Variants in LIMA1 observed in about 807,000 individuals in gnomAD.
LIMA1 encodes LIM domain and actin binding 1.
LIMA1 carries 52 observed loss-of-function variants against 62.6 expected under a neutral mutation model. The ratio of observed to expected loss-of-function variants is 0.83; its 90% CI spans 0.67 to 1.05. The LOEUF (loss-of-function observed/expected upper bound fraction) is 1.05, where lower values mean the gene tolerates loss of function less well. LIMA1 is among the 50% of genes least tolerant of loss of function. The pLI is 0.00. For missense variants in LIMA1, 780 were observed against 902.2 expected (o/e 0.86, Z 1.74); for synonymous variants, 302 against 317.8 (o/e 0.95, Z 0.53).
intron 4 of LIMA1, among the ~76,000 whole-genome samples, chr12:50,208,175 T>C (rs1460437961): frequency 6.6e-6 from 1 of 151,744 alleles, no homozygotes; most frequent in East Asian, 1.9e-4. Flanking sequence ...TGGCAAAACC[T>C]TGTCTCTACA....
In LIMA1 at chr12:50,248,728, T is replaced by C. The variant is rs1941886590; in HGVS notation, c.24A>G (p.Arg8=). Residue 8 remains arginine (R), a synonymous_variant, in exon 2 of 11, where the codon AGA becomes AGG. Coordinates refer to ENST00000341247, the MANE Select transcript of LIMA1 (RefSeq NM_016357.5). MESSPFN[R]RQWTSLSLRV... ...TCAATGATAGTGAGGTCCATTGCCG[T>C]CTATTAAATGGAGATGATTCCATCT... The C allele has an allele frequency of 1.2e-6, 2 of 1,608,494 alleles. No homozygotes were observed. Among genetic ancestry groups the C allele is most frequent in the Middle Eastern group, 1.6e-4 (1 of 6,076 alleles).
chr12:50,278,879 T>C lies in LIMA1; in HGVS notation c.-24+4541A>G, dbSNP rs564484120. On this transcript the variant is annotated intron_variant, in intron 1 of 10. Coordinates refer to ENST00000341247, the MANE Select transcript of LIMA1 (RefSeq NM_016357.5). The stretch of plus-strand genomic sequence containing the variant: ...TTGTGTTTATGTGAGTGTGTGTATA[T>C]CAAAGAAAACAAAACCACTGAAAGG... Among the ~76,000 whole-genome samples, 4 of 152,300 alleles carry C rather than the reference T, an allele frequency of 2.6e-5. No individual in the cohort carries two copies. The East Asian group carries it at 5.8e-4, about 22-fold the overall frequency.
chr12:50,269,991 C>G (rs535573919), intron 1 of LIMA1, among the ~76,000 whole-genome samples: 7 of 146,208 alleles, frequency 4.8e-5, no homozygotes, highest in African/African-American at 1.3e-4. Flanking sequence ...TCTCAGCACT[C>G]TGGGAGGCCG....
rs754126420 is a variant in LIMA1 at position 50,250,563 on chromosome 12, C to CAAAAAAAAAAAAAA, written c.-23-1803_-23-1790dup. Among the ~76,000 whole-genome samples, 2 of 33,896 alleles carry CAAAAAAAAAAAAAA rather than the reference C, an allele frequency of 5.9e-5. 1 individual carries two copies. Among genetic ancestry groups the CAAAAAAAAAAAAAA allele is most frequent in the African/African-American group, 1.7e-4 (2 of 11,868 alleles). The allele number at this position is 33,896 out of a possible 152,430, so 22.2% of individuals were successfully genotyped here. ...CCTGGGTGACAGACCAAGATGTTCT[C>CAAAAAAAAAAAAAA]AAAAAAAAAAAAAAAAAAAAAAAAA... is the stretch of plus-strand genomic sequence containing the variant. On this transcript the variant is annotated intron_variant, in intron 1 of 10. Coordinates refer to ENST00000341247, the MANE Select transcript of LIMA1 (RefSeq NM_016357.5).
intron 1 of LIMA1, among the ~76,000 whole-genome samples, chr12:50,279,784 C>A (rs1225796641): frequency 6.6e-6 from 1 of 152,112 alleles, no homozygotes; most frequent in African/African-American, 2.4e-5. Flanking sequence ...GTGCTGGAAG[C>A]CAAATTTTTG....
chr12:50,245,691 C>T (rs1375438520), intron 2 of LIMA1, among the ~76,000 whole-genome samples: 6 of 150,966 alleles, frequency 4.0e-5, no homozygotes, highest in Non-Finnish European at 8.8e-5. Context: ...ACCCCAAATG[C>T]TACAGCACCC....
chr12:50,227,236 TC>T (rs1458600985), intron 3 of LIMA1, among the ~76,000 whole-genome samples: 4 of 114,414 alleles, frequency 3.5e-5, no homozygotes, highest in Admixed American at 2.0e-4. Flanking sequence ...TTTTTTCTTT[TC>T]TTTTTTTTTT....
chr12:50,218,917 A>AAAAAC (rs1941397619), intron 4 of LIMA1, among the ~76,000 whole-genome samples: 2 of 140,914 alleles, frequency 1.4e-5, no homozygotes, highest in African/African-American at 5.8e-5. Context: ...AAACAAAAAC[A>AAAAAC]AAAAAAAAAC....
chr12:50,270,633 C>G (rs1440455497), intron 1 of LIMA1, among the ~76,000 whole-genome samples: 2 of 137,012 alleles, frequency 1.5e-5, no homozygotes, highest in East Asian at 5.0e-4. Flanking sequence ...AAAAAAAGAA[C>G]TCTATGTTGA....
At chr12:50,240,167 A>C (rs1443088274) in intron 2 of LIMA1, among the ~76,000 whole-genome samples, 1 of 152,150 alleles carries the variant, frequency 6.6e-6, no homozygotes, top group Non-Finnish European at 1.5e-5. Context: ...GGAGGAAAGC[A>C]TACCAGGAAC....
intron 7 of LIMA1, among the ~76,000 whole-genome samples, chr12:50,199,820 TTTTTA>T (rs1161800172): frequency 3.3e-5 from 5 of 152,310 alleles, no homozygotes; most frequent in Middle Eastern, 3.4e-3. Flanking sequence ...ATCAAATATA[TTTTTA>T]TTTTATTTTT....
At chr12:50,234,291 C>CTCTGAA (rs770908330) in intron 2 of LIMA1, 1 of 330,840 alleles carries the variant, frequency 3.0e-6, no homozygotes, top group Non-Finnish European at 6.1e-6. Context: ...TAGCTGCAAC[C>CTCTGAA]TCCGCTTCCT....
intron 1 of LIMA1, among the ~76,000 whole-genome samples, chr12:50,274,052 A>C (rs1332879180): frequency 6.6e-6 from 1 of 152,178 alleles, no homozygotes; most frequent in Non-Finnish European, 1.5e-5. Flanking sequence ...CACAGTATCC[A>C]AACTTTTGTC....
At position 50,196,792 on chromosome 12, in the gene LIMA1, A is replaced by AT. The variant is rs1222509148; in HGVS notation, c.973-906dup. ...ACTGCACCTGAATTTCAGCGTGGTTATTTTTTCCACTACTCTCTTCATTAC... is the reference window on the plus strand; with the variant it reads ...ACTGCACCTGAATTTCAGCGTGGTTATTTTTTTCCACTACTCTCTTCATTAC... On this transcript the variant is annotated intron_variant, in intron 7 of 10. Transcript: ENST00000341247. Among the ~76,000 whole-genome samples the AT allele has an allele frequency of 7.9e-5, 12 of 152,216 alleles. No homozygotes were observed. In the East Asian group the frequency reaches 2.1e-3, roughly 27 times the overall value.
chr12:50,224,638 C>T (rs1026197394), intron 3 of LIMA1, among the ~76,000 whole-genome samples: 1 of 152,154 alleles, frequency 6.6e-6, no homozygotes, highest in Non-Finnish European at 1.5e-5. Context: ...TCTCAGATAC[C>T]TATCATGTGA....
At chr12:50,193,631 CGTGTGT>C (rs67491136) in intron 8 of LIMA1, among the ~76,000 whole-genome samples, 29 of 86,036 alleles carry the variant, frequency 3.4e-4, no homozygotes, top group African/African-American at 4.6e-4. Flanking sequence ...CATATATATA[CGTGTGT>C]GTGTGTGTGT....
At chr12:50,209,527 C>CACT (rs1941214299) in intron 4 of LIMA1, among the ~76,000 whole-genome samples, 1 of 135,334 alleles carries the variant, frequency 7.4e-6, no homozygotes, top group Admixed American at 8.0e-5. Flanking sequence ...GAAATTGTGC[C>CACT]ACTGCTCTCC....
At chr12:50,181,210 C>T (rs1940495533) in intron 10 of LIMA1, among the ~76,000 whole-genome samples, 2 of 151,186 alleles carry the variant, frequency 1.3e-5, no homozygotes, top group African/African-American at 4.9e-5. Context: ...TACACTTTGG[C>T]TGCATGTTTG....
At chr12:50,192,319 T>G (rs1592503100) in intron 9 of LIMA1, 133 bp downstream of exon 9, 1 of 686,390 alleles carries the variant, frequency 1.5e-6, no homozygotes, top group East Asian at 2.6e-5. Flanking sequence ...CTGGCTTCAG[T>G]GTGCTCTTCT....
Sources: allele counts gnomAD v4.1 joint callset (sites outside exome capture counted in the v4.1 genomes callset), GRCh38; gene constraint gnomAD v4.1.1; transcripts MANE v1.5; gene names NCBI Gene and HGNC (gene_info 2026-07-23, HGNC 2026-07-21).